The following MYOM1 variants were observed in gnomAD, a reference collection of about 807,000 sequenced individuals.
MYOM1 encodes the protein myomesin 1.
In MYOM1, 164 loss-of-function variants were observed where a neutral mutation model predicts 205.3. The observed-to-expected ratio is 0.80, with a 90% confidence interval of 0.70 to 0.91. The LOEUF is 0.91. Ranked by LOEUF, MYOM1 falls within the 40% of genes least tolerant of loss-of-function variation. The pLI is 0.00. For missense variants in MYOM1, 2,011 were observed against 2,127.3 expected, an observed-to-expected ratio of 0.95 and a Z score of 1.08; for synonymous variants, 772 against 789.4, an observed-to-expected ratio of 0.98 and a Z score of 0.37.
chr18:3,139,837 C>T (rs62074946), intron 14 of MYOM1, among the ~76,000 whole-genome samples: 26,898 of 151,982 alleles, frequency 0.18, 2,891 homozygotes, highest in East Asian at 0.28. Flanking sequence ...GTATTTAGGT[C>T]GAGGGAAGTT....
intron 23 of MYOM1, among the ~76,000 whole-genome samples, chr18:3,102,095 G>A (rs1054332420): frequency 8.8e-5 from 13 of 147,668 alleles, no homozygotes; most frequent in Admixed American, 4.9e-4. Flanking sequence ...TCCGCCTTCC[G>A]GGTTCACGCC....
At chr18:3,145,086 G>C (rs528071588) in intron 13 of MYOM1, among the ~76,000 whole-genome samples, 1 of 152,154 alleles carries the variant, frequency 6.6e-6, no homozygotes, top group South Asian at 2.1e-4. Flanking sequence ...AGGCAGGCAG[G>C]TAACCTGAGG....
At chr18:3,173,874 G>C in intron 8 of MYOM1, 64 bp downstream of exon 8, 1 of 1,442,434 alleles carries the variant, frequency 6.9e-7, no homozygotes, top group Admixed American at 1.7e-5. Context: ...CAGCATTATG[G>C]GCTAACTTAT....
At chr18:3,132,120 A>ATG (rs2079887205) in intron 16 of MYOM1, among the ~76,000 whole-genome samples, 1 of 86,106 alleles carries the variant, frequency 1.2e-5, no homozygotes, top group Non-Finnish European at 2.5e-5. Flanking sequence ...ATGTGTGTGT[A>ATG]TATATATATA....
intron 1 of MYOM1, among the ~76,000 whole-genome samples, chr18:3,215,461 G>A (rs1022904472): frequency 5.9e-5 from 9 of 152,014 alleles, no homozygotes; most frequent in South Asian, 2.1e-4. Context: ...AAAATTAGCC[G>A]GGTGTGGTGT....
rs918085793 is a variant in MYOM1, at chr18:3,094,174, C to T, written c.3860G>A (p.Gly1287Asp). The change falls in exon 26 of 38, where the codon GGC (glycine) becomes GAC (aspartate). Residue 1287 changes from glycine to aspartate, a missense_variant. Physicochemically the swap from Gly to Asp is moderately conservative, Grantham distance 94. Coordinates refer to ENST00000356443, the MANE Select transcript of MYOM1 (RefSeq NM_003803.4). ...TCTAAACAGTGTAAAACCTACCGGG[C>T]CTTCAAAAATTTCCTTCTCGTTAAA... Reference protein sequence around the residue: ...YIFNEKEIFEGPKYKMHIDRN... With the variant: ...YIFNEKEIFEDPKYKMHIDRN... 8 of 1,613,836 alleles carry T rather than the reference C, an allele frequency of 5.0e-6. 1 individual carries two copies. The highest frequency in any genetic ancestry group is 3.3e-5 in the South Asian group (3 of 91,064).
chr18:3,151,915 A>G (rs1450937678), intron 11 of MYOM1, 22 bp from the exon 12 acceptor site: 1 of 1,601,980 alleles, frequency 6.2e-7, no homozygotes, highest in Non-Finnish European at 8.5e-7. Flanking sequence ...AGCGTGATTG[A>G]CAAAAATATT....
rs567515353 is a variant in MYOM1 at position 3,153,526 on chromosome 18, C to G, written c.1643+1421G>C. On this transcript the variant is annotated intron_variant, in intron 11 of 37. Coordinates refer to ENST00000356443, the MANE Select transcript of MYOM1 (RefSeq NM_003803.4). The stretch of plus-strand genomic sequence containing the variant: ...AACAAAATGTACTTATTGTCCCTGG[C>G]CTTTCACTGGTCAAAGTTTAAAAAT... 8.3e-4 allele frequency among the ~76,000 whole-genome samples: 126 copies of G among 152,260 alleles called. 7 individuals carry two copies. In the South Asian group the frequency reaches 0.026, roughly 31 times the overall value.
intron 10 of MYOM1, among the ~76,000 whole-genome samples, chr18:3,161,605 C>T (rs974112461): frequency 6.6e-6 from 1 of 152,186 alleles, no homozygotes; most frequent in Non-Finnish European, 1.5e-5. Context: ...GGGCACAGTG[C>T]AATAACAACA....
intron 2 of MYOM1, among the ~76,000 whole-genome samples, chr18:3,206,684 A>G (rs2081127080): frequency 6.6e-6 from 1 of 152,168 alleles, no homozygotes; most frequent in African/African-American, 2.4e-5. Context: ...CCTAACACCT[A>G]CTGATTCTTG....
chr18:3,149,643 G>A (rs982966886), intron 12 of MYOM1, among the ~76,000 whole-genome samples: 9 of 152,140 alleles, frequency 5.9e-5, no homozygotes, highest in African/African-American at 1.4e-4. Context: ...TGCCGATCCT[G>A]CGGTAAAGCT....
At chr18:3,242,778 G>C in the MYOM1 span, among the ~76,000 whole-genome samples, 1 of 152,106 alleles carries the variant, frequency 6.6e-6, no homozygotes, top group Non-Finnish European at 1.5e-5. Flanking sequence ...CAAAGTGCTG[G>C]GATTACAGGC....
the MYOM1 span, among the ~76,000 whole-genome samples, chr18:3,241,914 T>G: frequency 8.5e-5 from 13 of 152,228 alleles, no homozygotes; most frequent in Non-Finnish European, 1.5e-4. Flanking sequence ...TTGACTGCCC[T>G]GCTGGATTTT....
intron 27 of MYOM1, among the ~76,000 whole-genome samples, 175 bp downstream of exon 27, chr18:3,090,482 AG>A (rs1444126667): frequency 6.6e-6 from 1 of 152,148 alleles, no homozygotes; most frequent in Admixed American, 6.5e-5. Context: ...GGCCTCTCAA[AG>A]TGCTGGGATT....
chr18:3,168,578 C>G (rs938012941), intron 9 of MYOM1, among the ~76,000 whole-genome samples: 3 of 152,204 alleles, frequency 2.0e-5, no homozygotes, highest in Non-Finnish European at 4.4e-5. Context: ...CATGAGCCAC[C>G]ACGCCCAGCA....
At chr18:3,201,737 G>A (rs749652181) in intron 2 of MYOM1, among the ~76,000 whole-genome samples, 10 of 149,488 alleles carry the variant, frequency 6.7e-5, no homozygotes, top group Non-Finnish European at 1.3e-4. Flanking sequence ...TCGATCTCCC[G>A]GGCTCAAGCC....
At chr18:3,138,402 A>G (rs1382323280) in intron 14 of MYOM1, among the ~76,000 whole-genome samples, 2 of 152,180 alleles carry the variant, frequency 1.3e-5, no homozygotes, top group Admixed American at 6.5e-5. Context: ...TAGAGGAGAC[A>G]AAGGGATGGG....
At chr18:3,105,492 T>A (rs988134181) in intron 22 of MYOM1, among the ~76,000 whole-genome samples, 6 of 152,196 alleles carry the variant, frequency 3.9e-5, no homozygotes, top group African/African-American at 1.4e-4. Flanking sequence ...CAAATGGTCA[T>A]CTAAAACAAT....
In MYOM1 at chr18:3,187,502, A is replaced by T; in HGVS notation, c.907T>A (p.Trp303Arg). The change falls in exon 5 of 38, where the codon TGG (tryptophan) becomes AGG (arginine). Residue 303 changes from tryptophan (W) to arginine (R), a missense_variant. Trp to Arg is a moderately radical substitution (Grantham distance 101). Transcript: ENST00000356443. The stretch of plus-strand genomic sequence containing the variant: ...TACCACGTGACACGAGGTTCTGGCC[A>T]GCCTGCTATGGAGCAATGCAATTTT... Reference protein sequence around the residue: ...NVKLHCSIAGWPEPRVTWYKN... With the variant: ...NVKLHCSIAGRPEPRVTWYKN... The T allele has an allele frequency of 6.2e-7, 1 of 1,613,852 alleles. No homozygotes were observed. Among genetic ancestry groups the T allele is most frequent in the Non-Finnish European group, 8.5e-7 (1 of 1,179,792 alleles).
Sources: allele counts gnomAD v4.1 joint callset (sites outside exome capture counted in the v4.1 genomes callset), GRCh38; gene constraint gnomAD v4.1.1; transcripts MANE v1.5; gene names NCBI Gene and HGNC (gene_info 2026-07-23, HGNC 2026-07-21).